Variants in KCNN2 observed in about 807,000 individuals in gnomAD.
KCNN2 encodes potassium calcium-activated channel subfamily N member 2.
KCNN2 carries 24 observed loss-of-function variants against 55.5 expected under a neutral mutation model. That is an observed-to-expected ratio of 0.43 (90% CI 0.31 to 0.61). The LOEUF (loss-of-function observed/expected upper bound fraction) is 0.61, where lower values mean the gene tolerates loss of function less well. Ranked by LOEUF, KCNN2 falls within the 20% of genes least tolerant of loss-of-function variation. KCNN2 has a pLI of 0.08. For missense variants in KCNN2, 754 were observed against 853.6 expected (o/e 0.88, Z 1.45); for synonymous variants, 431 against 336.1 (o/e 1.28, Z -3.09).
intron 1 of KCNN2, among the ~76,000 whole-genome samples, chr5:114,163,709 T>C (rs949790726): frequency 1.3e-5 from 2 of 152,092 alleles, no homozygotes; most frequent in Non-Finnish European, 2.9e-5. Context: ...CCTGGTAATA[T>C]GGGGAGGAAG....
intron 2 of KCNN2, among the ~76,000 whole-genome samples, chr5:114,353,359 A>G (rs2150041078): frequency 6.6e-6 from 1 of 151,860 alleles, no homozygotes; most frequent in South Asian, 2.1e-4. Flanking sequence ...CTGTACTTCG[A>G]TATGTCTTTC....
chr5:114,396,237 T>A (rs1327898919), intron 2 of KCNN2, among the ~76,000 whole-genome samples: 1 of 152,170 alleles, frequency 6.6e-6, no homozygotes, highest in Non-Finnish European at 1.5e-5. Flanking sequence ...TGTTGTTGTT[T>A]AGATGGTAGT....
chr5:114,476,103 T>A (rs1761953303), intron 5 of KCNN2, among the ~76,000 whole-genome samples: 1 of 151,946 alleles, frequency 6.6e-6, no homozygotes, highest in Non-Finnish European at 1.5e-5. Context: ...TAGTTACATA[T>A]GTATACATGT....
At chr5:114,304,898 C>T (rs1416912787) in intron 2 of KCNN2, among the ~76,000 whole-genome samples, 2 of 152,170 alleles carry the variant, frequency 1.3e-5, no homozygotes, top group African/African-American at 4.8e-5. Context: ...TTTTGAGTTG[C>T]AACACTTTGT....
At chr5:114,169,268 A>G (rs189288002) in intron 1 of KCNN2, among the ~76,000 whole-genome samples, 8 of 152,110 alleles carry the variant, frequency 5.3e-5, no homozygotes, top group Non-Finnish European at 8.8e-5. Flanking sequence ...AACAATGTCA[A>G]TGTCAAATGG....
chr5:114,273,424 C>T (rs1293563127), intron 2 of KCNN2, among the ~76,000 whole-genome samples: 2 of 152,110 alleles, frequency 1.3e-5, no homozygotes, highest in African/African-American at 4.8e-5. Flanking sequence ...AGTTCTAAAT[C>T]CTTGAGGAAT....
intron 2 of KCNN2, among the ~76,000 whole-genome samples, chr5:114,244,724 T>C (rs144656383): frequency 0.03 from 4,543 of 152,114 alleles, 233 homozygotes; most frequent in African/African-American, 0.1. Flanking sequence ...GTTGGTGAAG[T>C]TTGTGAGGAC....
At chr5:114,276,905 T>C (rs1420280663) in intron 2 of KCNN2, among the ~76,000 whole-genome samples, 1 of 152,132 alleles carries the variant, frequency 6.6e-6, no homozygotes, top group East Asian at 1.9e-4. Flanking sequence ...TTTCACCGAT[T>C]AATTGATGCA....
At chr5:114,359,343 T>A (rs1031063882), upstream of KCNN2, among the ~76,000 whole-genome samples, 1 of 152,196 alleles carries the variant, frequency 6.6e-6, no homozygotes, top group East Asian at 1.9e-4. Flanking sequence ...CCATGCAACA[T>A]TGCCATAAAT....
intron 2 of KCNN2, among the ~76,000 whole-genome samples, chr5:114,317,193 T>C (rs1756517485): frequency 6.6e-6 from 1 of 152,180 alleles, no homozygotes; most frequent in Non-Finnish European, 1.5e-5. Context: ...AAATAGAGCC[T>C]TGTCTGGACT....
At chr5:114,140,935 C>T (rs1489961805) in intron 1 of KCNN2, among the ~76,000 whole-genome samples, 2 of 151,562 alleles carry the variant, frequency 1.3e-5, no homozygotes, top group Admixed American at 6.6e-5. Context: ...ATTGTAGGTG[C>T]GCACCACCAC....
chr5:114,353,009 AT>A (rs1387174232), intron 2 of KCNN2, among the ~76,000 whole-genome samples: 3 of 151,890 alleles, frequency 2.0e-5, no homozygotes, highest in African/African-American at 7.2e-5. Context: ...TTATTATTGA[AT>A]TGGCTAATTG....
At chr5:114,240,307 T>A (rs145752634) in intron 2 of KCNN2, among the ~76,000 whole-genome samples, 2,155 of 151,990 alleles carry the variant, frequency 0.014, 47 homozygotes, top group African/African-American at 0.048. Flanking sequence ...CATTTATTCC[T>A]CATAAAAGCT....
chr5:114,271,567 G>A (rs577427618), intron 2 of KCNN2, among the ~76,000 whole-genome samples: 2 of 152,220 alleles, frequency 1.3e-5, no homozygotes, highest in South Asian at 2.1e-4. Context: ...TCACTCCACA[G>A]GGAAGTTTAA....
chr5:114,463,262 C>T (rs982901315), intron 4 of KCNN2, 72 bp downstream of exon 4: 2 of 1,200,170 alleles, frequency 1.7e-6, no homozygotes, highest in Non-Finnish European at 2.3e-6. Flanking sequence ...AGTCCACGTG[C>T]ATAAGTAATT....
At chr5:114,428,374 C>A (rs527756924) in intron 3 of KCNN2, among the ~76,000 whole-genome samples, 6 of 152,118 alleles carry the variant, frequency 3.9e-5, no homozygotes, top group Admixed American at 2.0e-4. Flanking sequence ...GATATATTTG[C>A]AGTACCTTAT....
intron 3 of KCNN2, chr5:114,433,434 C>T (rs1418767366): frequency 6.6e-6 from 1 of 152,192 alleles, no homozygotes; most frequent in Admixed American, 6.5e-5. Flanking sequence ...TCAAAACAGA[C>T]CACTCGGCTC....
chr5:114,490,177 C>T lies in KCNN2; in HGVS notation c.2018+3000C>T, dbSNP rs1418876348. Among the ~76,000 whole-genome samples, 5 of 152,140 alleles carry T rather than the reference C, an allele frequency of 3.3e-5. No individual in the cohort carries two copies. The East Asian group carries it at 9.6e-4, about 29-fold the overall frequency. The stretch of plus-strand genomic sequence containing the variant: ...TTCTTTTATCTCAACTATGGACCAA[C>T]ATGAATTTGTTTCAGAACCAAGAAA... On this transcript the variant is annotated intron_variant, in intron 6 of 7. Transcript: ENST00000673685.
At chr5:114,422,159 A>G (rs796911215) in intron 3 of KCNN2, among the ~76,000 whole-genome samples, 2 of 152,182 alleles carry the variant, frequency 1.3e-5, no homozygotes, top group Non-Finnish European at 2.9e-5. Context: ...GCTACAGGAG[A>G]TGTCTCAAAT....
Sources: allele counts gnomAD v4.1 joint callset (sites outside exome capture counted in the v4.1 genomes callset), GRCh38; gene constraint gnomAD v4.1.1; transcripts MANE v1.5; gene names NCBI Gene and HGNC (gene_info 2026-07-23, HGNC 2026-07-21).